MAP2K6: variants seen among roughly 807,000 people sequenced by gnomAD.
MAP2K6 encodes dual specificity mitogen-activated protein kinase kinase 6.
A neutral mutation model predicts 53.7 loss-of-function variants in MAP2K6; 16 were observed. The observed-to-expected ratio is 0.30, with a 90% confidence interval of 0.20 to 0.45. The LOEUF is 0.45. MAP2K6 is among the 20% of genes least tolerant of loss of function. The pLI is 1.00. For synonymous variants in MAP2K6, 132 were observed against 143.1 expected (o/e 0.92, Z 0.55); for missense variants, 204 against 411.9 (o/e 0.50, Z 4.37).
At chr17:69,443,160 C>A (rs939240054) in intron 1 of MAP2K6, among the ~76,000 whole-genome samples, 6 of 152,114 alleles carry the variant, frequency 3.9e-5, no homozygotes, top group Non-Finnish European at 1.5e-5. Context: ...CTCTCTCATA[C>A]CTTATGTTTA....
chr17:69,484,435 G>C (rs1908452950), intron 1 of MAP2K6, among the ~76,000 whole-genome samples: 1 of 151,992 alleles, frequency 6.6e-6, no homozygotes, highest in East Asian at 1.9e-4. Flanking sequence ...AACAAGTGTA[G>C]GTGAGGATGT....
chr17:69,448,388 A>G (rs1248638789), intron 1 of MAP2K6, among the ~76,000 whole-genome samples: 1 of 151,956 alleles, frequency 6.6e-6, no homozygotes. Flanking sequence ...TTTAGGAAAC[A>G]CAGTCATTTT....
rs34112033 is a variant in MAP2K6, at chr17:69,546,020, CAAA to C, written c.*4283_*4285del. On this transcript the variant is annotated 3_prime_UTR_variant, in exon 12 of 12. Coordinates refer to ENST00000590474, the MANE Select transcript of MAP2K6 (RefSeq NM_002758.4). The stretch of plus-strand genomic sequence containing the variant: ...GGGCAACAAGAGCAAAACTTCATCT[CAAA>C]AAAAAAAAAAAAAAATGTACAACAT... 0.016 allele frequency: 2,106 copies of C among 129,988 alleles called. 45 individuals carry two copies. Among genetic ancestry groups the C allele is most frequent in the African/African-American group, 0.054 (1,953 of 36,078 alleles). The allele number at this position is 129,988 out of a possible 1,614,324, so 8.1% of individuals were successfully genotyped here.
intron 1 of MAP2K6, among the ~76,000 whole-genome samples, chr17:69,503,192 T>G (rs1909258140): frequency 6.6e-6 from 1 of 152,232 alleles, no homozygotes; most frequent in Non-Finnish European, 1.5e-5. Context: ...GGAATTTGTA[T>G]GTAGTTATCT....
Position 69,546,379 on chromosome 17 carries a change from G to C in MAP2K6, c.*4626G>C, listed in dbSNP as rs1286460757. 6.6e-6 allele frequency: 1 copy of C among 152,176 alleles called. No individual in the cohort carries two copies. The highest frequency in any genetic ancestry group is 1.5e-5 in the Non-Finnish European group (1 of 68,042). 9.4% of individuals were successfully genotyped at this position (152,176 alleles called of 1,614,324 possible). A position where few individuals can be genotyped will look rare whatever the true frequency, so the allele number is the denominator to read the frequency against. On this transcript the variant is annotated 3_prime_UTR_variant, in exon 12 of 12. Coordinates refer to ENST00000590474, the MANE Select transcript of MAP2K6 (RefSeq NM_002758.4). ...GAGGAGGCTGGTGCTAAGATGGACAGGGTTCCTGATTTCTCTCATTGAACT... is the reference window on the plus strand; with the variant it reads ...GAGGAGGCTGGTGCTAAGATGGACACGGTTCCTGATTTCTCTCATTGAACT...
chr17:69,484,645 T>C (rs938912919), intron 1 of MAP2K6, among the ~76,000 whole-genome samples: 1 of 152,110 alleles, frequency 6.6e-6, no homozygotes, highest in Non-Finnish European at 1.5e-5. Flanking sequence ...TTAGCAGCAT[T>C]ATTTATAATA....
At chr17:69,506,617 C>T (rs1187929416) in intron 2 of MAP2K6, among the ~76,000 whole-genome samples, 1 of 152,114 alleles carries the variant, frequency 6.6e-6, no homozygotes, top group African/African-American at 2.4e-5. Context: ...GGCTTTTGTT[C>T]ATGTCTACAA....
chr17:69,515,861 GAATTTTGTGAGTTAAC>G (rs1218994029), intron 2 of MAP2K6, among the ~76,000 whole-genome samples: 2 of 152,168 alleles, frequency 1.3e-5, no homozygotes, highest in Non-Finnish European at 1.5e-5. Flanking sequence ...TATGTTCTAT[GAATTTTGTGAGTTAAC>G]AGAATATATG....
At chr17:69,490,297 A>G (rs1908692531) in intron 1 of MAP2K6, among the ~76,000 whole-genome samples, 2 of 152,122 alleles carry the variant, frequency 1.3e-5, no homozygotes, top group South Asian at 4.1e-4. Flanking sequence ...TCCATTCTTT[A>G]TAGTTTGCAG....
chr17:69,490,789 A>G (rs58357732), intron 1 of MAP2K6, among the ~76,000 whole-genome samples: 6,591 of 151,434 alleles, frequency 0.044, 420 homozygotes, highest in East Asian at 0.16. Flanking sequence ...TGTCATGGGG[A>G]TTTGTTGTAC....
At chr17:69,451,537 G>C (rs1266057710) in intron 1 of MAP2K6, among the ~76,000 whole-genome samples, 1 of 152,200 alleles carries the variant, frequency 6.6e-6, no homozygotes, top group African/African-American at 2.4e-5. Flanking sequence ...CTTCAGGAAA[G>C]AGACCCAAGA....
chr17:69,532,547 T>G (rs993152401), intron 10 of MAP2K6, among the ~76,000 whole-genome samples: 2 of 152,236 alleles, frequency 1.3e-5, no homozygotes, highest in Non-Finnish European at 2.9e-5. Flanking sequence ...TGCTTTGAAC[T>G]CCAAAGTTGT....
chr17:69,488,376 A>G (rs1418779223), intron 1 of MAP2K6, among the ~76,000 whole-genome samples: 2 of 152,180 alleles, frequency 1.3e-5, no homozygotes, highest in African/African-American at 4.8e-5. Flanking sequence ...TGTCCCCAAG[A>G]ACTTAAAACA....
intron 1 of MAP2K6, among the ~76,000 whole-genome samples, chr17:69,450,680 T>C (rs2145158544): frequency 6.6e-6 from 1 of 152,218 alleles, no homozygotes; most frequent in Non-Finnish European, 1.5e-5. Context: ...CATGATAAAG[T>C]TGAGCTAGGA....
chr17:69,497,976 C>T (rs1275764101), intron 1 of MAP2K6, among the ~76,000 whole-genome samples: 1 of 151,980 alleles, frequency 6.6e-6, no homozygotes, highest in Non-Finnish European at 1.5e-5. Context: ...TGTCTTGCTT[C>T]TTCTCTCCTG....
intron 1 of MAP2K6, among the ~76,000 whole-genome samples, chr17:69,479,474 C>G (rs950308696): frequency 5.9e-5 from 9 of 152,054 alleles, no homozygotes; most frequent in Non-Finnish European, 1.3e-4. Flanking sequence ...TATGTTTAGA[C>G]TTGGGTTTCA....
chr17:69,509,528 G>A (rs979031762), intron 2 of MAP2K6, among the ~76,000 whole-genome samples: 10 of 152,094 alleles, frequency 6.6e-5, no homozygotes, highest in East Asian at 1.9e-4. Flanking sequence ...TCATCGAATC[G>A]TTAGGGTTTT....
intron 1 of MAP2K6, among the ~76,000 whole-genome samples, chr17:69,501,918 G>GTTTTT (rs11406039): frequency 1.5e-5 from 2 of 129,058 alleles, no homozygotes; most frequent in Non-Finnish European, 1.6e-5. Context: ...TCCCTCCCAT[G>GTTTTT]TTTTTTTTTT....
At chr17:69,502,355 G>A (rs1909212349) in intron 1 of MAP2K6, 4 of 985,420 alleles carry the variant, frequency 4.1e-6, no homozygotes, top group Non-Finnish European at 4.8e-6. Context: ...TTGCAGCCTC[G>A]AAAACCTCAC....
Sources: gnomAD v4.1 joint callset for allele counts (sites outside exome capture counted in the v4.1 genomes callset) on GRCh38, gnomAD v4.1.1 for gene constraint, MANE v1.5 for transcripts, NCBI Gene and HGNC (gene_info 2026-07-23, HGNC 2026-07-21) for gene names.